The following HRH2 variants were observed in gnomAD, a reference collection of about 807,000 sequenced individuals.
HRH2 encodes the protein histamine receptor H2, also known as histamine H2 receptor.
In HRH2, 4 loss-of-function variants were observed where a neutral mutation model predicts 20.1. That is an observed-to-expected ratio of 0.20 (90% CI 0.10 to 0.45). The LOEUF is 0.45. Ranked by LOEUF, HRH2 falls within the 20% of genes least tolerant of loss-of-function variation. The pLI is 0.99. For missense variants in HRH2, 250 were observed against 461.6 expected, an observed-to-expected ratio of 0.54 and a Z score of 4.20; for synonymous variants, 197 against 200.7, an observed-to-expected ratio of 0.98 and a Z score of 0.16.
chr5:175,702,401 T>G lies in HRH2; in HGVS notation c.1077-5378T>G, dbSNP rs1007380638. On this transcript the variant is annotated intron_variant, in intron 2 of 2. Coordinates refer to ENST00000636584, the MANE Select transcript of HRH2 (RefSeq NM_001367711.1). ...AAATACAAAGATTGTCAGGCTTGGTTTTTTAAATCCAAACAAATGTTTTTA... is the reference window on the plus strand; with the variant it reads ...AAATACAAAGATTGTCAGGCTTGGTGTTTTAAATCCAAACAAATGTTTTTA... Among the ~76,000 whole-genome samples, 10 of 152,132 alleles carry G rather than the reference T, an allele frequency of 6.6e-5. No individual in the cohort carries two copies. The East Asian group carries it at 1.9e-3, about 29-fold the overall frequency.
chr5:175,679,594 C>T (rs551133055), intron 1 of HRH2, among the ~76,000 whole-genome samples: 4 of 152,308 alleles, frequency 2.6e-5, no homozygotes, highest in African/African-American at 9.6e-5. Flanking sequence ...CAATCTAACT[C>T]GGTACAAAGT....
Position 175,709,608 on chromosome 5 carries a change from GTC to G in HRH2, c.*1638_*1639del, listed in dbSNP as rs1175347932. 6.6e-6 allele frequency: 1 copy of G among 152,606 alleles called. No individual in the cohort carries two copies. Among genetic ancestry groups the G allele is most frequent in the Non-Finnish European group, 1.5e-5 (1 of 68,364 alleles). 9.5% of individuals were successfully genotyped at this position (152,606 alleles called of 1,614,324 possible). ...CCTGCCCGGGCTTCACAGGCTGAGGGTCCACCTTGCCACCTCCGTTTGCCTCA... is the reference window on the plus strand; with the variant it reads ...CCTGCCCGGGCTTCACAGGCTGAGGGCACCTTGCCACCTCCGTTTGCCTCA... On this transcript the variant is annotated 3_prime_UTR_variant, in exon 3 of 3. Coordinates refer to ENST00000636584, the MANE Select transcript of HRH2 (RefSeq NM_001367711.1).
At chr5:175,707,443 A>G (rs1465155960) in intron 2 of HRH2, among the ~76,000 whole-genome samples, 1 of 152,196 alleles carries the variant, frequency 6.6e-6, no homozygotes, top group Non-Finnish European at 1.5e-5. Context: ...AACCACAAAC[A>G]CAAAAACAAA....
chr5:175,690,538 TCTGCCTGC>T (rs151048898), intron 2 of HRH2, among the ~76,000 whole-genome samples: 4 of 152,056 alleles, frequency 2.6e-5, no homozygotes, highest in African/African-American at 7.3e-5. Flanking sequence ...TTCCTGTCTG[TCTGCCTGC>T]CTGCCTGCCT....
In HRH2 at chr5:175,704,397, T is replaced by TATC. The variant is rs567763318; in HGVS notation, c.1077-3380_1077-3378dup. 3.2e-3 allele frequency among the ~76,000 whole-genome samples: 485 copies of TATC among 152,192 alleles called. 1 individual carries two copies. Among genetic ancestry groups the TATC allele is most frequent in the Non-Finnish European group, 5.2e-3 (352 of 67,980 alleles). ...AGAAGAAAAAACTCTGTGAATATTA[T>TATC]ATCAATCGAAGCAGAAAAAAAAACA... On this transcript the variant is annotated intron_variant, in intron 2 of 2. Transcript: ENST00000636584.
intron 2 of HRH2, among the ~76,000 whole-genome samples, chr5:175,696,755 C>T (rs1756598486): frequency 6.6e-6 from 1 of 152,160 alleles, no homozygotes; most frequent in African/African-American, 2.4e-5. Context: ...GGCCGTGTGG[C>T]CCCCTTGCTG....
At chr5:175,676,203 G>C (rs1755753870) in intron 1 of HRH2, among the ~76,000 whole-genome samples, 1 of 152,236 alleles carries the variant, frequency 6.6e-6, no homozygotes, top group South Asian at 2.1e-4. Context: ...TGCAACTGCT[G>C]GGTCAGTAGT....
At chr5:175,685,599 C>A in intron 2 of HRH2, 1 of 852,414 alleles carries the variant, frequency 1.2e-6, no homozygotes, top group Non-Finnish European at 1.9e-6. Flanking sequence ...AATGGCACAG[C>A]CCTGGTCTCA....
Position 175,705,032 on chromosome 5 carries a change from A to G in HRH2, c.1077-2747A>G, listed in dbSNP as rs533578242. On this transcript the variant is annotated intron_variant, in intron 2 of 2. Coordinates refer to ENST00000636584, the MANE Select transcript of HRH2 (RefSeq NM_001367711.1). The stretch of plus-strand genomic sequence containing the variant: ...ATTTTGTATACTGATCTTATGTGCA[A>G]TACCCTTGTTATACCCTAACATTAA... Among the ~76,000 whole-genome samples the G allele has an allele frequency of 1.2e-4, 18 of 152,226 alleles. 1 individual carries two copies. Among genetic ancestry groups the G allele is most frequent in the African/African-American group, 3.4e-4 (14 of 41,522 alleles).
chr5:175,700,652 G>GC (rs1756763514), intron 2 of HRH2, among the ~76,000 whole-genome samples: 1 of 152,142 alleles, frequency 6.6e-6, no homozygotes, highest in African/African-American at 2.4e-5. Flanking sequence ...ACCTTGGGAG[G>GC]CCGAGGCAGA....
intron 1 of HRH2, among the ~76,000 whole-genome samples, chr5:175,661,453 G>T (rs1441356868): frequency 6.6e-6 from 1 of 152,134 alleles, no homozygotes; most frequent in Non-Finnish European, 1.5e-5. Flanking sequence ...TAACCCTATG[G>T]GTCTCACTTT....
Position 175,683,128 on chromosome 5 carries a change from A to T in HRH2, c.-106A>T. 95 of 828,880 alleles carry T rather than the reference A, an allele frequency of 1.1e-4. No individual in the cohort carries two copies. The highest frequency in any genetic ancestry group is 1.6e-4 in the Non-Finnish European group (90 of 555,476). 51.3% of individuals were successfully genotyped at this position (828,880 alleles called of 1,614,324 possible). The stretch of plus-strand genomic sequence containing the variant: ...AAAAAAAAAACTGGACACATTTTGG[A>T]TCTGTTGGGAGCTTGGAGTCCAGTG... On this transcript the variant is annotated 5_prime_UTR_variant, in exon 2 of 3. Coordinates refer to ENST00000636584, the MANE Select transcript of HRH2 (RefSeq NM_001367711.1).
intron 1 of HRH2, among the ~76,000 whole-genome samples, chr5:175,666,957 G>C (rs1450083072): frequency 6.6e-6 from 1 of 151,558 alleles, no homozygotes; most frequent in African/African-American, 2.4e-5. Context: ...AAATAGAAGG[G>C]GTTTCTTTTG....
At chr5:175,701,969 T>G (rs1040470048) in intron 2 of HRH2, among the ~76,000 whole-genome samples, 3 of 152,142 alleles carry the variant, frequency 2.0e-5, no homozygotes. Flanking sequence ...CCTACTAGAA[T>G]CTCTGCAAGT....
chr5:175,676,207 C>G (rs1755754377), intron 1 of HRH2, among the ~76,000 whole-genome samples: 1 of 152,252 alleles, frequency 6.6e-6, no homozygotes, highest in African/African-American at 2.4e-5. Context: ...ACTGCTGGGT[C>G]AGTAGTCTGA....
At chr5:175,700,526 G>A (rs1756760681) in intron 2 of HRH2, among the ~76,000 whole-genome samples, 3 of 152,186 alleles carry the variant, frequency 2.0e-5, no homozygotes, top group Admixed American at 1.3e-4. Context: ...GAGCCAGGAG[G>A]GAACCAGTAA....
In HRH2 at chr5:175,683,443, G is replaced by A. The variant is rs773809254; in HGVS notation, c.210G>A (p.Leu70=). ...LAITDLLLGL[L]VLPFSAIYQL... is the part of the protein sequence containing the mutation. Reference sequence around the variant, plus strand: ...TCACTGACCTGCTCCTCGGCCTCCTGGTGCTGCCCTTCTCTGCCATCTACC... The same window carrying A: ...TCACTGACCTGCTCCTCGGCCTCCTAGTGCTGCCCTTCTCTGCCATCTACC... Residue 70 remains leucine (L), a synonymous_variant, in exon 2 of 3, where the codon CTG becomes CTA. Transcript: ENST00000636584. 6.2e-7 allele frequency: 1 copy of A among 1,614,190 alleles called. No individual in the cohort carries two copies. Among genetic ancestry groups the A allele is most frequent in the Non-Finnish European group, 8.5e-7 (1 of 1,180,034 alleles).
At chr5:175,670,482 C>T (rs560284572) in intron 1 of HRH2, among the ~76,000 whole-genome samples, 1 of 152,284 alleles carries the variant, frequency 6.6e-6, no homozygotes, top group East Asian at 1.9e-4. Flanking sequence ...AAGGAAATGA[C>T]CTCCCCATCT....
intron 2 of HRH2, among the ~76,000 whole-genome samples, chr5:175,702,498 T>C (rs1756816436): frequency 6.8e-6 from 1 of 147,498 alleles, no homozygotes; most frequent in Non-Finnish European, 1.5e-5. Flanking sequence ...ACTCAGCAAA[T>C]ACTAACTGAA....
Sources: gnomAD v4.1 joint callset for allele counts (sites outside exome capture counted in the v4.1 genomes callset) on GRCh38, gnomAD v4.1.1 for gene constraint, MANE v1.5 for transcripts, NCBI Gene and HGNC (gene_info 2026-07-23, HGNC 2026-07-21) for gene names.